The following OXR1 variants were observed in gnomAD, a reference collection of about 807,000 sequenced individuals.
The protein encoded by OXR1 is oxidation resistance protein 1.
Under a neutral mutation model 104.6 loss-of-function variants are expected in OXR1, and 41 were observed. The ratio of observed to expected loss-of-function variants is 0.39; its 90% CI spans 0.31 to 0.51. OXR1 has a LOEUF of 0.51. Ranked by LOEUF, OXR1 falls within the 20% of genes least tolerant of loss-of-function variation. The pLI is 0.77. For missense variants in OXR1, 955 were observed against 1,031.9 expected (o/e 0.93, Z 1.02); for synonymous variants, 348 against 348.4 (o/e 1.00, Z 0.01).
At chr8:106,396,162 A>G (rs1817773211) in intron 2 of OXR1, among the ~76,000 whole-genome samples, 1 of 152,274 alleles carries the variant, frequency 6.6e-6, no homozygotes, top group Non-Finnish European at 1.5e-5. Flanking sequence ...ACAATTCCAA[A>G]TACTATATGT....
chr8:106,688,409 A>G (rs185357974), intron 6 of OXR1, among the ~76,000 whole-genome samples: 1 of 152,158 alleles, frequency 6.6e-6, no homozygotes, highest in African/African-American at 2.4e-5. Context: ...TGATGATAAG[A>G]CAATATAATT....
At chr8:106,273,003 T>A (rs1811879869) in intron 1 of OXR1, 2 of 151,890 alleles carry the variant, frequency 1.3e-5, no homozygotes, top group Admixed American at 1.3e-4. Context: ...GTAGATCTTT[T>A]GAGTGTGTGC....
In OXR1 at chr8:106,274,600, A is replaced by AT. The variant is rs1811953680; in HGVS notation, c.-139+4233_-139+4234insT. ...AGACTCTGGGGCACCCAGCAACGCC[A>AT]CCCCCCCCCCGACCCCGCCCTTTCT... On this transcript the variant is annotated intron_variant, in intron 1 of 16. Transcript: ENST00000517566. 2.8e-5 allele frequency among the ~76,000 whole-genome samples: 3 copies of AT among 108,866 alleles called. No homozygotes were observed. The South Asian group carries it at 1.1e-3, about 39-fold the overall frequency. The allele number at this position is 108,866 out of a possible 152,430, so 71.4% of individuals were successfully genotyped here.
At chr8:106,749,289 G>A (rs533268102) in intron 16 of OXR1, among the ~76,000 whole-genome samples, 32 of 149,790 alleles carry the variant, frequency 2.1e-4, no homozygotes, top group African/African-American at 5.9e-4. Flanking sequence ...CTTGCAGTGC[G>A]CCAAGATCAC....
At chr8:106,352,222 C>G (rs770928262) in intron 1 of OXR1, among the ~76,000 whole-genome samples, 2 of 152,178 alleles carry the variant, frequency 1.3e-5, no homozygotes, top group African/African-American at 2.4e-5. Flanking sequence ...GAGGTAGAAT[C>G]AACCAGGCTT....
chr8:106,636,474 A>T (rs976732053), intron 3 of OXR1, among the ~76,000 whole-genome samples: 7 of 152,298 alleles, frequency 4.6e-5, no homozygotes, highest in African/African-American at 1.4e-4. Context: ...GTTTTCAAAA[A>T]CTAAAATAAA....
chr8:106,602,216 C>T (rs1193009135), intron 3 of OXR1, among the ~76,000 whole-genome samples: 1 of 152,108 alleles, frequency 6.6e-6, no homozygotes, highest in Non-Finnish European at 1.5e-5. Flanking sequence ...ATTGTTTTTT[C>T]TAAGCCACTA....
At chr8:106,413,723 ACT>A (rs1491391711) in intron 2 of OXR1, among the ~76,000 whole-genome samples, 151 of 145,656 alleles carry the variant, frequency 1.0e-3, no homozygotes, top group East Asian at 6.1e-3. Context: ...TGCTGTATCT[ACT>A]TTTTTTTTTT....
chr8:106,683,600 AAGGCATCCCTCC>A (rs1828397101), intron 5 of OXR1, among the ~76,000 whole-genome samples: 1 of 152,206 alleles, frequency 6.6e-6, no homozygotes, highest in Non-Finnish European at 1.5e-5. Flanking sequence ...TTATCAAAGT[AAGGCATCCCTCC>A]ATCTCAAACT....
intron 3 of OXR1, among the ~76,000 whole-genome samples, chr8:106,650,543 G>T (rs1176403533): frequency 6.6e-6 from 1 of 152,174 alleles, no homozygotes; most frequent in Non-Finnish European, 1.5e-5. Context: ...GGACAGTCTA[G>T]CAAGCTCCTA....
At position 106,703,259 on chromosome 8, in the gene OXR1, G is replaced by C. The variant is rs150689308; in HGVS notation, c.860+169G>C. Among the ~76,000 whole-genome samples, 281 of 152,246 alleles carry C rather than the reference G, an allele frequency of 1.8e-3. 3 individuals carry two copies. Among genetic ancestry groups the C allele is most frequent in the Middle Eastern group, 0.01 (3 of 294 alleles). ...GAAGATTATTCTTAATTTGCACCTG[G>C]GATAGTTATGAATTATCTTAGATTT... On this transcript the variant is annotated intron_variant, in intron 8 of 16. Transcript: ENST00000517566.
intron 1 of OXR1, among the ~76,000 whole-genome samples, chr8:106,347,525 A>T (rs1169687826): frequency 7.2e-5 from 11 of 152,314 alleles, no homozygotes; most frequent in South Asian, 2.1e-4. Flanking sequence ...ATTCAACTAA[A>T]ATTGACTTAA....
chr8:106,628,184 C>A (rs1044589014), intron 3 of OXR1, among the ~76,000 whole-genome samples: 14 of 152,108 alleles, frequency 9.2e-5, no homozygotes, highest in African/African-American at 3.4e-4. Context: ...CTCCTGTTTT[C>A]TGTGTCCTTT....
At chr8:106,352,443 G>A (rs923011919) in intron 1 of OXR1, among the ~76,000 whole-genome samples, 1 of 152,158 alleles carries the variant, frequency 6.6e-6, no homozygotes, top group Non-Finnish European at 1.5e-5. Flanking sequence ...TTTAAAATGT[G>A]CATAGGATTG....
intron 2 of OXR1, among the ~76,000 whole-genome samples, chr8:106,394,992 C>T (rs1469335640): frequency 1.3e-5 from 2 of 151,982 alleles, no homozygotes; most frequent in African/African-American, 4.8e-5. Flanking sequence ...GTTATAACCT[C>T]ACTAAAAGTA....
At chr8:106,583,851 A>G (rs906813742) in intron 3 of OXR1, among the ~76,000 whole-genome samples, 1 of 152,144 alleles carries the variant, frequency 6.6e-6, no homozygotes, top group Non-Finnish European at 1.5e-5. Context: ...GACCAGCTCA[A>G]TCAGAGCATG....
At chr8:106,677,613 A>G (rs1310099953) in intron 3 of OXR1, among the ~76,000 whole-genome samples, 1 of 152,056 alleles carries the variant, frequency 6.6e-6, no homozygotes, top group African/African-American at 2.4e-5. Context: ...ACATTATTAC[A>G]TGTTTAAGGA....
intron 2 of OXR1, among the ~76,000 whole-genome samples, chr8:106,386,875 G>C (rs1454230168): frequency 6.6e-6 from 1 of 152,198 alleles, no homozygotes; most frequent in East Asian, 1.9e-4. Context: ...ATAGGCTGAT[G>C]ATTTTTTAGC....
At chr8:106,403,818 CT>C (rs1386797508) in intron 2 of OXR1, among the ~76,000 whole-genome samples, 4 of 152,296 alleles carry the variant, frequency 2.6e-5, no homozygotes, top group African/African-American at 7.2e-5. Context: ...CACATGTTCC[CT>C]GGATTTTTGT....
Sources: gnomAD v4.1 joint callset for allele counts (sites outside exome capture counted in the v4.1 genomes callset) on GRCh38, gnomAD v4.1.1 for gene constraint, MANE v1.5 for transcripts, NCBI Gene and HGNC (gene_info 2026-07-23, HGNC 2026-07-21) for gene names.